Variants in LEKR1 observed in about 807,000 individuals in gnomAD.
LEKR1 encodes the protein leucine, glutamate and lysine rich 1.
A neutral mutation model predicts 72.4 loss-of-function variants in LEKR1; 59 were observed. The ratio of observed to expected loss-of-function variants is 0.82; its 90% confidence interval spans 0.66 to 1.01. The LOEUF (loss-of-function observed/expected upper bound fraction) is 1.01. Among genes scored for constraint, LEKR1 ranks in the 50% least tolerant of loss-of-function variants. The pLI is 0.00. For synonymous variants in LEKR1, 257 were observed against 263.2 expected, an observed-to-expected ratio of 0.98 and a Z score of 0.23; for missense variants, 728 against 759.2, an observed-to-expected ratio of 0.96 and a Z score of 0.48.
intron 6 of LEKR1, among the ~76,000 whole-genome samples, chr3:156,970,861 C>G (rs374952179): frequency 6.6e-6 from 1 of 152,018 alleles, no homozygotes; most frequent in African/African-American, 2.4e-5. Context: ...AATGGAAGAA[C>G]ATTCCATGCT....
intron 3 of LEKR1, among the ~76,000 whole-genome samples, chr3:156,875,627 T>A (rs1021496571): frequency 6.6e-5 from 10 of 152,126 alleles, no homozygotes; most frequent in Non-Finnish European, 1.2e-4. Flanking sequence ...AGAGTTCCAA[T>A]GTTATCTTCT....
intron 3 of LEKR1, among the ~76,000 whole-genome samples, chr3:156,890,694 C>G (rs1720559044): frequency 6.6e-6 from 1 of 152,016 alleles, no homozygotes; most frequent in South Asian, 2.1e-4. Context: ...TTTAATGTAA[C>G]TTTATATTTA....
At chr3:156,937,100 C>A (rs1478162533) in intron 5 of LEKR1, among the ~76,000 whole-genome samples, 1 of 152,028 alleles carries the variant, frequency 6.6e-6, no homozygotes, top group Non-Finnish European at 1.5e-5. Flanking sequence ...TATGGTCATA[C>A]CTGTGAGCAG....
At chr3:156,926,468 C>T (rs191474101) in intron 4 of LEKR1, among the ~76,000 whole-genome samples, 1 of 152,108 alleles carries the variant, frequency 6.6e-6, no homozygotes, top group Admixed American at 6.6e-5. Flanking sequence ...CTGATCACTA[C>T]ATTTTTCTTA....
chr3:156,943,675 A>C (rs1726432113), intron 6 of LEKR1, among the ~76,000 whole-genome samples: 1 of 151,890 alleles, frequency 6.6e-6, no homozygotes. Context: ...GACCAGGGAG[A>C]TGAACATCTG....
At chr3:156,982,819 A>G (rs1217326182) in intron 7 of LEKR1, among the ~76,000 whole-genome samples, 2 of 151,334 alleles carry the variant, frequency 1.3e-5, no homozygotes, top group Non-Finnish European at 2.9e-5. Context: ...TACTTTTATT[A>G]CTTTCATATA....
chr3:157,042,774 T>C (rs1302180287), intron 12 of LEKR1, among the ~76,000 whole-genome samples: 4 of 152,226 alleles, frequency 2.6e-5, no homozygotes, highest in African/African-American at 7.2e-5. Flanking sequence ...AGTAATATGT[T>C]GGCCTCATTT....
chr3:156,881,999 T>TA (rs1719420124), intron 3 of LEKR1, among the ~76,000 whole-genome samples: 2 of 141,880 alleles, frequency 1.4e-5, no homozygotes, highest in Admixed American at 1.4e-4. Context: ...CAAAAATCAA[T>TA]TCAAGATGGA....
At chr3:156,874,950 G>C (rs1718389129) in intron 3 of LEKR1, among the ~76,000 whole-genome samples, 1 of 152,104 alleles carries the variant, frequency 6.6e-6, no homozygotes, top group African/African-American at 2.4e-5. Flanking sequence ...TGGGTATTTA[G>C]ACTGGTTCCA....
chr3:156,879,065 T>C (rs1718968436), intron 3 of LEKR1, among the ~76,000 whole-genome samples: 5 of 152,150 alleles, frequency 3.3e-5, no homozygotes, highest in Admixed American at 2.6e-4. Flanking sequence ...GTAGAGTGGG[T>C]CACTGCTGTA....
At chr3:157,008,788 T>C (rs1732665296) in intron 9 of LEKR1, among the ~76,000 whole-genome samples, 1 of 152,224 alleles carries the variant, frequency 6.6e-6, no homozygotes, top group Admixed American at 6.5e-5. Flanking sequence ...ATTCCATATG[T>C]ATCATTCTAA....
intron 6 of LEKR1, among the ~76,000 whole-genome samples, chr3:156,966,495 G>A (rs905565498): frequency 5.3e-5 from 8 of 152,234 alleles, no homozygotes; most frequent in African/African-American, 1.4e-4. Context: ...CGCACCGGGC[G>A]TGGAGGGTCC....
At chr3:156,997,583 C>T (rs1025096916) in intron 9 of LEKR1, among the ~76,000 whole-genome samples, 2 of 152,200 alleles carry the variant, frequency 1.3e-5, no homozygotes, top group African/African-American at 4.8e-5. Context: ...CAGATGTGCT[C>T]ACCAAAGGCC....
At chr3:157,026,040 A>G (rs1419658355) in intron 11 of LEKR1, among the ~76,000 whole-genome samples, 5 of 150,534 alleles carry the variant, frequency 3.3e-5, no homozygotes, top group Non-Finnish European at 7.4e-5. Flanking sequence ...ACAAAGTGAG[A>G]CTCCTTCTCT....
chr3:157,028,220 G>C lies in LEKR1; in HGVS notation c.1486G>C (p.Glu496Gln). ...TGAAGAATCTAATTCAAAGGAAAAA[G>C]AAATTGAAAATCTTAAAAATTTGGT... ...YTEESNSKEK[E>Q]IENLKNLVAE... The change falls in exon 12 of 13, where the codon GAA becomes CAA. Residue 496 changes from glutamate to glutamine, a missense_variant. Glu to Gln is a conservative substitution (Grantham distance 29, BLOSUM62 2). Coordinates refer to ENST00000356539, the MANE Select transcript of LEKR1 (RefSeq NM_001004316.3). 1 of 1,613,150 alleles carries C rather than the reference G, an allele frequency of 6.2e-7. No individual in the cohort carries two copies. Among genetic ancestry groups the C allele is most frequent in the Non-Finnish European group, 8.5e-7 (1 of 1,179,398 alleles).
At chr3:157,016,134 A>G (rs961586510) in intron 10 of LEKR1, among the ~76,000 whole-genome samples, 1 of 152,070 alleles carries the variant, frequency 6.6e-6, no homozygotes, top group Non-Finnish European at 1.5e-5. Context: ...GAAATTCCTG[A>G]AGGACAAGAG....
chr3:156,879,484 TAAAAGTTCAGAAA>T (rs1719025080), intron 3 of LEKR1, among the ~76,000 whole-genome samples: 2 of 152,120 alleles, frequency 1.3e-5, no homozygotes, highest in Admixed American at 6.5e-5. Flanking sequence ...GGAAACAGCA[TAAAAGTTCAGAAA>T]AAAAGTTCAG....
intron 9 of LEKR1, among the ~76,000 whole-genome samples, chr3:156,996,309 G>A (rs1283926289): frequency 6.6e-6 from 1 of 152,100 alleles, no homozygotes; most frequent in Non-Finnish European, 1.5e-5. Flanking sequence ...CCTAAAGGAA[G>A]ACAAGTGGAA....
At chr3:156,953,000 G>A (rs1211576699) in intron 6 of LEKR1, among the ~76,000 whole-genome samples, 1 of 151,224 alleles carries the variant, frequency 6.6e-6, no homozygotes, top group Non-Finnish European at 1.5e-5. Flanking sequence ...GGTATAATTT[G>A]TATACAAAAT....
Sources: allele counts gnomAD v4.1 joint callset (sites outside exome capture counted in the v4.1 genomes callset), GRCh38; gene constraint gnomAD v4.1.1; transcripts MANE v1.5; gene names NCBI Gene and HGNC (gene_info 2026-07-23, HGNC 2026-07-21).